DNAH7: variants seen among roughly 807,000 people sequenced by gnomAD.
DNAH7 encodes the protein dynein axonemal heavy chain 7.
DNAH7 carries 397 observed loss-of-function variants against 444.6 expected under a neutral mutation model. That is an observed-to-expected ratio of 0.89 (90% confidence interval 0.82 to 0.97). The LOEUF (loss-of-function observed/expected upper bound fraction) is 0.97, where lower values mean the gene tolerates loss of function less well. Among genes scored for constraint, DNAH7 ranks in the 50% least tolerant of loss-of-function variants. DNAH7 has a pLI of 0.00. For missense variants in DNAH7, 4,902 were observed against 4,800.8 expected, an observed-to-expected ratio of 1.02 and a Z score of -0.62; for synonymous variants, 1,636 against 1,624.4, an observed-to-expected ratio of 1.01 and a Z score of -0.17.
Position 195,769,331 on chromosome 2 carries a change from C to T in DNAH7, c.11433+2329G>A, listed in dbSNP as rs562434372. On this transcript the variant is annotated intron_variant, in intron 61 of 64. Transcript: ENST00000312428. ...TCCCAACTCAGCCTCCTAAAGTTCT[C>T]GTATTACATGTGTGAGCCACTGCAC... 1.3e-4 allele frequency among the ~76,000 whole-genome samples: 20 copies of T among 150,742 alleles called. No individual in the cohort carries two copies. The Middle Eastern group carries it at 0.01, about 77-fold the overall frequency.
rs184334158 is a variant in DNAH7, at chr2:195,769,908, A to C, written c.11433+1752T>G. Among the ~76,000 whole-genome samples the C allele has an allele frequency of 1.8e-3, 274 of 152,278 alleles. 1 individual carries two copies. Among genetic ancestry groups the C allele is most frequent in the Middle Eastern group, 3.4e-3 (1 of 294 alleles). On this transcript the variant is annotated intron_variant, in intron 61 of 64. Transcript: ENST00000312428. Reference sequence around the variant, plus strand: ...TGACTTCCCTCTTGAACTCTAAAGGAGGTATCTAACAACTCGACCTCCCCA... The same window carrying C: ...TGACTTCCCTCTTGAACTCTAAAGGCGGTATCTAACAACTCGACCTCCCCA...
rs1319859129 is a variant in DNAH7 at position 195,872,394 on chromosome 2, T to C, written c.6489A>G (p.Ala2163=). The C allele has an allele frequency of 6.2e-7, 1 of 1,614,018 alleles. No homozygotes were observed. The highest frequency in any genetic ancestry group is 8.5e-7 in the Non-Finnish European group (1 of 1,179,932). The part of the protein sequence containing the change: ...VNGTMTLYKE[A]MKNLLPTPAK... ...CTGGAGTAGGCAAGAGATTCTTCAT[T>C]GCTTCTTTATACAGAGTCATTGTGC... Residue 2163 remains alanine, a synonymous_variant, in exon 40 of 65, where the codon GCA becomes GCG. Coordinates refer to ENST00000312428, the MANE Select transcript of DNAH7 (RefSeq NM_018897.3).
intron 49 of DNAH7, among the ~76,000 whole-genome samples, chr2:195,820,038 G>C (rs990687466): frequency 6.6e-6 from 1 of 152,198 alleles, no homozygotes; most frequent in Non-Finnish European, 1.5e-5. Flanking sequence ...AGCACGTTTA[G>C]AGGAATCTAT....
At chr2:195,866,666 G>T (rs1250289440) in intron 40 of DNAH7, among the ~76,000 whole-genome samples, 1 of 152,190 alleles carries the variant, frequency 6.6e-6, no homozygotes, top group Admixed American at 6.5e-5. Flanking sequence ...TATTCAAAAT[G>T]CAAATTCCTG....
chr2:195,900,570 G>T, intron 27 of DNAH7, 76 bp from the exon 28 acceptor site: 1 of 1,331,678 alleles, frequency 7.5e-7, no homozygotes, highest in Non-Finnish European at 1.1e-6. Flanking sequence ...AATACCACAC[G>T]CTCTCACTAA....
At chr2:196,014,814 A>C (rs1490853640) in intron 9 of DNAH7, among the ~76,000 whole-genome samples, 2 of 152,074 alleles carry the variant, frequency 1.3e-5, no homozygotes, top group Non-Finnish European at 2.9e-5. Flanking sequence ...GTAACTTTCA[A>C]AGTAGCACAC....
At chr2:195,821,427 A>T (rs1397890339) in intron 49 of DNAH7, among the ~76,000 whole-genome samples, 1 of 152,188 alleles carries the variant, frequency 6.6e-6, no homozygotes, top group Admixed American at 6.5e-5. Flanking sequence ...GCAGAAGCTG[A>T]GGCTGAAGAA....
At chr2:195,842,747 T>C (rs930167369) in intron 47 of DNAH7, among the ~76,000 whole-genome samples, 1 of 152,112 alleles carries the variant, frequency 6.6e-6, no homozygotes, top group African/African-American at 2.4e-5. Context: ...TCTTGAAAAA[T>C]AATCACTGAA....
At chr2:195,899,820 T>C (rs16841767) in intron 28 of DNAH7, among the ~76,000 whole-genome samples, 9,055 of 152,254 alleles carry the variant, frequency 0.059, 457 homozygotes, top group African/African-American at 0.14. Flanking sequence ...TGGGCTTTCA[T>C]ATATTACAGT....
intron 27 of DNAH7, 43 bp from the exon 28 acceptor site, chr2:195,900,537 A>G: frequency 6.4e-7 from 1 of 1,566,684 alleles, no homozygotes; most frequent in South Asian, 1.1e-5. Flanking sequence ...ATCATCATAA[A>G]ATAAGCTAGG....
intron 25 of DNAH7, among the ~76,000 whole-genome samples, chr2:195,908,446 C>T (rs868014477): frequency 1.3e-5 from 2 of 152,014 alleles, no homozygotes; most frequent in African/African-American, 4.8e-5. Flanking sequence ...CCCACCTTCG[C>T]GCCCTTCCAT....
chr2:196,017,160 G>A (rs59013696), intron 9 of DNAH7, among the ~76,000 whole-genome samples: 5,540 of 151,800 alleles, frequency 0.036, 223 homozygotes, highest in African/African-American at 0.096. Flanking sequence ...GATTACAGGC[G>A]CCCACCACCA....
At chr2:196,011,697 T>C (rs904743910) in intron 10 of DNAH7, among the ~76,000 whole-genome samples, 1 of 152,164 alleles carries the variant, frequency 6.6e-6, no homozygotes, top group Non-Finnish European at 1.5e-5. Flanking sequence ...GGTCAGAGAG[T>C]TCTTCCCTGA....
intron 51 of DNAH7, 53 bp from the exon 52 acceptor site, chr2:195,809,924 A>G (rs552724984): frequency 7.3e-7 from 1 of 1,364,822 alleles, no homozygotes; most frequent in Non-Finnish European, 9.6e-7. Context: ...TTTAAAGATA[A>G]TGCTCTTAAG....
chr2:195,780,768 C>T, intron 58 of DNAH7, among the ~76,000 whole-genome samples: 1 of 151,690 alleles, frequency 6.6e-6, no homozygotes, highest in East Asian at 1.9e-4. Context: ...ATATATATAT[C>T]TCAAAAAATA....
In DNAH7 at chr2:196,019,219, T is replaced by C. The variant is rs371102617; in HGVS notation, c.820A>G (p.Met274Val). The C allele has an allele frequency of 1.6e-5, 24 of 1,531,414 alleles. No individual in the cohort carries two copies. The highest frequency in any genetic ancestry group is 2.1e-5 in the Non-Finnish European group (24 of 1,128,886). The allele number at this position is 1,531,414 out of a possible 1,614,324, so 94.9% of individuals were successfully genotyped here. ...SSYIRDHLNA[M>V]NPTMLAVLDL... ...AGTACAGCCAGCATTGTGGGGTTCA[T>C]TGCATTCAAGTGATCCCTAATATAA... Residue 274 changes from methionine to valine, a missense_variant, in exon 9 of 65, where the codon ATG becomes GTG. By Grantham distance (21) the Met-to-Val change is conservative. Transcript: ENST00000312428.
intron 25 of DNAH7, 29 bp downstream of exon 25, chr2:195,909,998 T>C (rs557038659): frequency 6.8e-5 from 108 of 1,594,832 alleles, no homozygotes; most frequent in Non-Finnish European, 8.5e-5. Context: ...AGTTATCCTG[T>C]TGTAAAGAAA....
chr2:195,966,378 T>C (rs1405452845), intron 17 of DNAH7, among the ~76,000 whole-genome samples: 2 of 152,310 alleles, frequency 1.3e-5, no homozygotes, highest in East Asian at 3.9e-4. Flanking sequence ...ATATGGTCTA[T>C]CCTTGAGGAT....
intron 28 of DNAH7, among the ~76,000 whole-genome samples, chr2:195,898,839 C>T (rs578248580): frequency 1.3e-5 from 2 of 152,344 alleles, no homozygotes; most frequent in African/African-American, 4.8e-5. Context: ...TCTGGTTGAA[C>T]TCTTAACTTG....
Sources: gnomAD v4.1 joint callset for allele counts (sites outside exome capture counted in the v4.1 genomes callset) on GRCh38, gnomAD v4.1.1 for gene constraint, MANE v1.5 for transcripts, NCBI Gene and HGNC (gene_info 2026-07-23, HGNC 2026-07-21) for gene names.